CCNH: variants seen among roughly 807,000 people sequenced by gnomAD.
The protein encoded by CCNH is cyclin H.
CCNH carries 31 observed loss-of-function variants against 41.9 expected under a neutral mutation model. The ratio of observed to expected loss-of-function variants is 0.74; its 90% confidence interval spans 0.56 to 1.00. The LOEUF (loss-of-function observed/expected upper bound fraction) is 1.00, where lower values mean the gene tolerates loss of function less well. Ranked by LOEUF, CCNH falls within the 50% of genes least tolerant of loss-of-function variation. The pLI is 0.00. For missense variants in CCNH, 362 were observed against 388.4 expected (o/e 0.93, Z 0.57); for synonymous variants, 138 against 136.1 (o/e 1.01, Z -0.10).
intron 9 of CCNH, among the ~76,000 whole-genome samples, chr5:87,351,781 T>A (rs1759298142): frequency 6.6e-6 from 1 of 151,792 alleles, no homozygotes; most frequent in Admixed American, 6.6e-5. Flanking sequence ...CCTATCTGAT[T>A]GGTTGCCACA....
intron 9 of CCNH, among the ~76,000 whole-genome samples, chr5:87,334,160 G>A (rs1261676770): frequency 1.3e-5 from 2 of 152,016 alleles, no homozygotes; most frequent in Non-Finnish European, 2.9e-5. Flanking sequence ...ACCCACAATC[G>A]GCTGTCTGCA....
chr5:87,385,429 G>C (rs775748450), intron 9 of CCNH: 98 of 1,440,034 alleles, frequency 6.8e-5, no homozygotes, highest in Non-Finnish European at 9.4e-5. Context: ...ATTTATGAAT[G>C]CAAGTTTGAC....
At chr5:87,377,605 C>G (rs552535012), upstream of CCNH, among the ~76,000 whole-genome samples, 1 of 151,982 alleles carries the variant, frequency 6.6e-6, no homozygotes, top group Admixed American at 6.6e-5. Flanking sequence ...CCCAAAGTGC[C>G]GGGGTTACAG....
At chr5:87,311,927 C>T in the CCNH span, among the ~76,000 whole-genome samples, 11 of 152,308 alleles carry the variant, frequency 7.2e-5, no homozygotes, top group East Asian at 1.7e-3. Context: ...AAGGGCCAAA[C>T]CTTCCTTTGG....
At chr5:87,342,799 C>A (rs1041717234) in intron 9 of CCNH, among the ~76,000 whole-genome samples, 1 of 151,902 alleles carries the variant, frequency 6.6e-6, no homozygotes, top group Admixed American at 6.6e-5. Flanking sequence ...GTTGTTAGAT[C>A]CTTCTGATTT....
downstream of CCNH, among the ~76,000 whole-genome samples, chr5:87,315,162 C>G (rs1756230010): frequency 6.6e-6 from 1 of 152,180 alleles, no homozygotes; most frequent in Non-Finnish European, 1.5e-5. Flanking sequence ...CAGGCAAAAA[C>G]TTCAGTCTTA....
At chr5:87,314,004 C>G (rs1166262528), downstream of CCNH, among the ~76,000 whole-genome samples, 1 of 151,582 alleles carries the variant, frequency 6.6e-6, no homozygotes, top group Non-Finnish European at 1.5e-5. Context: ...CCTGTCTCTA[C>G]TAAAAATACA....
Position 87,362,566 on chromosome 5 carries a change from C to T in CCNH, c.*90+30204G>A, listed in dbSNP as rs757166432. Reference sequence around the variant, plus strand: ...TAAAATTCAGGATCAAGAACAAGTACTCAATGACACAGTGGATGGCAAGGA... The same window carrying T: ...TAAAATTCAGGATCAAGAACAAGTATTCAATGACACAGTGGATGGCAAGGA... On this transcript the variant is annotated intron_variant and NMD_transcript_variant, in intron 9 of 9. Transcript: ENST00000645953. 101 of 1,592,190 alleles carry T rather than the reference C, an allele frequency of 6.3e-5. No individual in the cohort carries two copies. The Admixed American group carries it at 1.7e-3, about 26-fold the overall frequency.
At chr5:87,312,788 T>C in the CCNH span, among the ~76,000 whole-genome samples, 1 of 152,210 alleles carries the variant, frequency 6.6e-6, no homozygotes, top group Non-Finnish European at 1.5e-5. Flanking sequence ...CTCAGAGTAC[T>C]GGAAAATCTA....
chr5:87,379,533 G>C (rs1034430729), upstream of CCNH, among the ~76,000 whole-genome samples: 3 of 152,016 alleles, frequency 2.0e-5, no homozygotes, highest in Admixed American at 1.3e-4. Context: ...GGCTAATTGG[G>C]AATAAATGGT....
chr5:87,349,383 G>C lies in CCNH; in HGVS notation c.*91-30486C>G, dbSNP rs374702293. The C allele has an allele frequency of 2.5e-6, 4 of 1,610,320 alleles. No individual in the cohort carries two copies. In the South Asian group the frequency reaches 4.4e-5, roughly 18 times the overall value. On this transcript the variant is annotated intron_variant and NMD_transcript_variant, in intron 9 of 9. Transcript: ENST00000645953. Reference sequence around the variant, plus strand: ...ATAACAGGTAAATCATAATTTTTTAGCTATCTTTTACTTTTCGCAAAAATA... The same window carrying C: ...ATAACAGGTAAATCATAATTTTTTACCTATCTTTTACTTTTCGCAAAAATA...
downstream of CCNH, chr5:87,374,045 A>T: frequency 8.6e-6 from 8 of 928,492 alleles, no homozygotes; most frequent in Non-Finnish European, 1.1e-5. Context: ...TTTTCTGAAA[A>T]AAAAGGGGAA....
chr5:87,404,981 T>G lies in CCNH; in HGVS notation c.552A>C (p.Pro184=), dbSNP rs1295343780. The change falls in exon 5 of 9, where the codon CCA becomes CCC. Residue 184 remains proline, a synonymous_variant. Coordinates refer to ENST00000256897, the MANE Select transcript of CCNH (RefSeq NM_001239.4). Reference sequence around the variant, plus strand: ...CATCAGCTGTTTTCCTCAAAATCTCTGGATTCTCCAATATGGGATAGCGGG... The same window carrying G: ...CATCAGCTGTTTTCCTCAAAATCTCGGGATTCTCCAATATGGGATAGCGGG... ...LKTRYPILEN[P]EILRKTADDF... The G allele has an allele frequency of 6.2e-7, 1 of 1,613,034 alleles. No homozygotes were observed. Among genetic ancestry groups the G allele is most frequent in the Admixed American group, 1.7e-5 (1 of 59,918 alleles).
At chr5:87,354,582 CAG>C (rs1759513896) in intron 9 of CCNH, among the ~76,000 whole-genome samples, 1 of 152,114 alleles carries the variant, frequency 6.6e-6, no homozygotes, top group African/African-American at 2.4e-5. Context: ...CCTATTTCTG[CAG>C]ACACAACACT....
chr5:87,353,721 G>A (rs1204764421), intron 9 of CCNH, among the ~76,000 whole-genome samples: 2 of 152,112 alleles, frequency 1.3e-5, no homozygotes, highest in African/African-American at 4.8e-5. Context: ...GGAGAGTGAA[G>A]TTGTATGGGG....
At chr5:87,352,583 A>G (rs930604167) in intron 9 of CCNH, among the ~76,000 whole-genome samples, 8 of 151,788 alleles carry the variant, frequency 5.3e-5, no homozygotes, top group Non-Finnish European at 1.0e-4. Flanking sequence ...ATATTTCCCA[A>G]TTTGTAGCAC....
chr5:87,411,146 G>C, intron 2 of CCNH, 78 bp downstream of exon 2: 2 of 1,420,534 alleles, frequency 1.4e-6, no homozygotes, highest in Non-Finnish European at 1.9e-6. Flanking sequence ...TAAGACTTGA[G>C]TGGACAGGGA....
At chr5:87,362,273 G>A (rs1374170362) in intron 9 of CCNH, among the ~76,000 whole-genome samples, 2 of 152,066 alleles carry the variant, frequency 1.3e-5, no homozygotes, top group East Asian at 1.9e-4. Flanking sequence ...GACTGTATTC[G>A]AAAATAGCTT....
rs1284306304 is a variant in CCNH, at chr5:87,412,877, C to G, written c.-83G>C. On this transcript the variant is annotated 5_prime_UTR_variant, in exon 1 of 9. Transcript: ENST00000256897. The stretch of plus-strand genomic sequence containing the variant: ...TCCTGGCGTAAAACACCCGTACCCC[C>G]ACCGAAGATCTCGCGGAAGCCTAGG... 2 of 1,554,618 alleles carry G rather than the reference C, an allele frequency of 1.3e-6. No individual in the cohort carries two copies. The highest frequency in any genetic ancestry group is 8.7e-7 in the Non-Finnish European group (1 of 1,146,244).
Sources: gnomAD v4.1 joint callset for allele counts (sites outside exome capture counted in the v4.1 genomes callset) on GRCh38, gnomAD v4.1.1 for gene constraint, MANE v1.5 for transcripts, NCBI Gene and HGNC (gene_info 2026-07-23, HGNC 2026-07-21) for gene names.